The following KAT6B variants were observed in gnomAD, a reference collection of about 807,000 sequenced individuals.
KAT6B encodes the protein histone acetyltransferase KAT6B.
Under a neutral mutation model 187.5 loss-of-function variants are expected in KAT6B, and 10 were observed. The observed-to-expected ratio is 0.05, with a 90% CI of 0.03 to 0.09. KAT6B has a LOEUF of 0.09. Among genes scored for constraint, KAT6B ranks in the 10% least tolerant of loss-of-function variants. The probability of loss-of-function intolerance (pLI) is 1.00; values close to 1 mark genes in which losing one functional copy is unlikely to be tolerated. For synonymous variants in KAT6B, 861 were observed against 926.8 expected (o/e 0.93, Z 1.29); for missense variants, 1,952 against 2,558.9 (o/e 0.76, Z 5.12).
intron 11 of KAT6B, 122 bp from the exon 12 acceptor site, chr10:74,984,958 A>G: frequency 3.3e-6 from 3 of 914,338 alleles, no homozygotes; most frequent in Non-Finnish European, 5.2e-6. Flanking sequence ...AGAGTGTTTT[A>G]ATCTCTCAGT....
intron 13 of KAT6B, among the ~76,000 whole-genome samples, chr10:75,012,574 C>T (rs7923236): frequency 0.031 from 4,697 of 152,308 alleles, 194 homozygotes; most frequent in East Asian, 0.16. Context: ...CTGGCACCTC[C>T]GGCTCAGGAG....
rs756773045 is a variant in KAT6B at position 74,985,103 on chromosome 10, T to G, written c.2397T>G (p.Ile799Met). ...AGGTTGATGGGAATATGAGCAAAAT[T>G]TATTGCCAAAACCTTTGCTTGTTAG... The part of the protein sequence containing the change: ...VFEVDGNMSK[I>M]YCQNLCLLAK... The change falls in exon 12 of 18, where the codon ATT becomes ATG. Residue 799 changes from isoleucine to methionine, a missense_variant. By Grantham distance (10) the Ile-to-Met change is conservative. Transcript: ENST00000287239. 5.6e-6 allele frequency: 9 copies of G among 1,614,154 alleles called. No homozygotes were observed. Among genetic ancestry groups the G allele is most frequent in the East Asian group, 2.2e-5 (1 of 44,860 alleles).
chr10:74,846,871 T>C (rs1398191865), intron 3 of KAT6B, among the ~76,000 whole-genome samples: 3 of 152,240 alleles, frequency 2.0e-5, no homozygotes, highest in East Asian at 3.8e-4. Flanking sequence ...TAAGGTTTTA[T>C]AATGAACAGG....
intron 3 of KAT6B, among the ~76,000 whole-genome samples, chr10:74,944,440 G>C (rs1849944804): frequency 2.0e-5 from 3 of 152,158 alleles, no homozygotes; most frequent in Admixed American, 2.0e-4. Flanking sequence ...ATGGGCAAAA[G>C]ATTCTAACAG....
chr10:75,021,118 C>T lies in KAT6B; in HGVS notation c.2862-8C>T. 6.2e-7 allele frequency: 1 copy of T among 1,613,336 alleles called. No homozygotes were observed. The highest frequency in any genetic ancestry group is 1.1e-5 in the South Asian group (1 of 91,060). On this transcript the variant is annotated splice_region_variant and splice_polypyrimidine_tract_variant and intron_variant, in intron 14 of 17. Transcript: ENST00000287239. Reference sequence around the variant, plus strand: ...GATTACATCTTGTTCTGCCTTATCACATTACAGATTTGTCATCATTAGACG... The same window carrying T: ...GATTACATCTTGTTCTGCCTTATCATATTACAGATTTGTCATCATTAGACG...
chr10:74,969,728 A>T lies in KAT6B; in HGVS notation c.799A>T (p.Ile267Phe). 6.2e-7 allele frequency: 1 copy of T among 1,614,158 alleles called. No homozygotes were observed. The highest frequency in any genetic ancestry group is 8.5e-7 in the Non-Finnish European group (1 of 1,179,960). ...TNVKALRWQCIECKTCSACRV... is the reference protein window; with the variant it reads ...TNVKALRWQCFECKTCSACRV... ...TGTAAAGGCCTTAAGGTGGCAGTGC[A>T]TCGAATGCAAGACATGCAGTGCCTG... is the stretch of plus-strand genomic sequence containing the variant. The change falls in exon 5 of 18, where the codon ATC becomes TTC. Residue 267 changes from isoleucine (I) to phenylalanine (F), a missense_variant. By Grantham distance (21) the Ile-to-Phe change is conservative. Coordinates refer to ENST00000287239, the MANE Select transcript of KAT6B (RefSeq NM_012330.4).
intron 3 of KAT6B, among the ~76,000 whole-genome samples, chr10:74,919,275 T>C (rs1847937881): frequency 6.6e-6 from 1 of 152,184 alleles, no homozygotes; most frequent in Non-Finnish European, 1.5e-5. Flanking sequence ...TTTGAAGTTT[T>C]TGTACAATAT....
intron 3 of KAT6B, among the ~76,000 whole-genome samples, chr10:74,867,461 A>G (rs1474497111): frequency 3.3e-5 from 5 of 152,192 alleles, no homozygotes; most frequent in South Asian, 2.1e-4. Flanking sequence ...TGAATAAAAC[A>G]TATTACCCAT....
chr10:74,830,819 C>CT (rs1283206760), intron 1 of KAT6B, among the ~76,000 whole-genome samples: 3 of 38,262 alleles, frequency 7.8e-5, no homozygotes, highest in Non-Finnish European at 1.6e-4. Flanking sequence ...CGGAGTTTTG[C>CT]TTTTGTCACC....
intron 3 of KAT6B, among the ~76,000 whole-genome samples, chr10:74,849,992 G>GC (rs1466453550): frequency 6.6e-6 from 1 of 151,260 alleles, no homozygotes. Flanking sequence ...AGGCTGGAGT[G>GC]CAGTGGCATG....
In KAT6B at chr10:74,989,104, T is replaced by C; in HGVS notation, c.2621T>C (p.Ile874Thr). 1.2e-6 allele frequency: 2 copies of C among 1,609,414 alleles called. No individual in the cohort carries two copies. Among genetic ancestry groups the C allele is most frequent in the Non-Finnish European group, 8.5e-7 (1 of 1,175,670 alleles). The change falls in exon 13 of 18, where the codon ATT becomes ACT. Residue 874 changes from isoleucine to threonine, a missense_variant. This residue lies in a region of KAT6B where 87 missense variants were observed against 191.8 expected (regional missense o/e 0.45). Coordinates refer to ENST00000287239, the MANE Select transcript of KAT6B (RefSeq NM_012330.4). The part of the protein sequence containing the change: ...HQRQGFGRFL[I>T]DFSYLLSRRE... ...AGGCAAGGATTTGGACGGTTTCTCA[T>C]TGATTTCAGTAAGTGAAGTACTTTA...
intron 13 of KAT6B, among the ~76,000 whole-genome samples, chr10:74,994,079 T>C (rs941136387): frequency 6.6e-6 from 1 of 152,208 alleles, no homozygotes; most frequent in Non-Finnish European, 1.5e-5. Flanking sequence ...CTTATGGCTC[T>C]TATCTAAAAT....
chr10:74,877,229 G>A (rs1589529646), intron 3 of KAT6B, among the ~76,000 whole-genome samples: 1 of 151,972 alleles, frequency 6.6e-6, no homozygotes, highest in African/African-American at 2.4e-5. Context: ...GTCTCCCAAA[G>A]TGCTGGGATT....
At position 75,030,568 on chromosome 10, in the gene KAT6B, C is replaced by A; in HGVS notation, c.5744C>A (p.Thr1915Asn). Residue 1915 changes from threonine to asparagine, a missense_variant, in exon 18 of 18, where the codon ACC becomes AAC. Coordinates refer to ENST00000287239, the MANE Select transcript of KAT6B (RefSeq NM_012330.4). The surrounding 1 kb of genome is among the most constrained non-coding windows in gnomAD (Gnocchi z 4.8). ...IGISHSQRLQTQIASKGHISM... is the reference protein window; with the variant it reads ...IGISHSQRLQNQIASKGHISM... ...ATCTCTCACAGCCAAAGACTGCAAA[C>A]CCAGATTGCCAGCAAGGGCCACATC... The A allele has an allele frequency of 6.2e-7, 1 of 1,608,892 alleles. No homozygotes were observed. The highest frequency in any genetic ancestry group is 8.5e-7 in the Non-Finnish European group (1 of 1,175,756).
At position 75,030,430 on chromosome 10, in the gene KAT6B, C is replaced by T; in HGVS notation, c.5606C>T (p.Pro1869Leu). 6.2e-7 allele frequency: 1 copy of T among 1,614,240 alleles called. No homozygotes were observed. Among genetic ancestry groups the T allele is most frequent in the Non-Finnish European group, 8.5e-7 (1 of 1,180,040 alleles). Reference sequence around the variant, plus strand: ...CTTTCTCAGTCTCCACACTCCGTCCCTGGGGGACCCCAAGCACAAGCTACC... The same window carrying T: ...CTTTCTCAGTCTCCACACTCCGTCCTTGGGGGACCCCAAGCACAAGCTACC... ...VQLSQSPHSV[P>L]GGPQAQATMT... The change falls in exon 18 of 18, where the codon CCT (proline) becomes CTT (leucine). Residue 1869 changes from proline to leucine, a missense_variant. By Grantham distance (98) the Pro-to-Leu change is moderately conservative (BLOSUM62 -3). Coordinates refer to ENST00000287239, the MANE Select transcript of KAT6B (RefSeq NM_012330.4). The surrounding 1 kb of genome is among the most constrained non-coding windows in gnomAD (Gnocchi z 4.8).
At chr10:74,993,514 A>G (rs926203822) in intron 13 of KAT6B, among the ~76,000 whole-genome samples, 7 of 152,224 alleles carry the variant, frequency 4.6e-5, no homozygotes, top group Non-Finnish European at 7.3e-5. Flanking sequence ...TCTCATATAT[A>G]GCCACAATAC....
At chr10:74,932,738 G>A (rs1225839595) in intron 3 of KAT6B, among the ~76,000 whole-genome samples, 3 of 152,112 alleles carry the variant, frequency 2.0e-5, no homozygotes, top group African/African-American at 7.2e-5. Context: ...ACCTGAATGA[G>A]GATGGTATAT....
At chr10:74,867,741 G>A (rs1234607478) in intron 3 of KAT6B, among the ~76,000 whole-genome samples, 2 of 152,174 alleles carry the variant, frequency 1.3e-5, no homozygotes, top group African/African-American at 4.8e-5. Context: ...GTCATTCATT[G>A]AATTCTGCAG....
At chr10:74,930,397 G>A (rs1848789892) in intron 3 of KAT6B, among the ~76,000 whole-genome samples, 1 of 152,072 alleles carries the variant, frequency 6.6e-6, no homozygotes, top group Non-Finnish European at 1.5e-5. Context: ...GAGTTTTGTG[G>A]GCAAAATATT....
Sources: gnomAD v4.1 joint callset for allele counts (sites outside exome capture counted in the v4.1 genomes callset) on GRCh38, gnomAD v4.1.1 for gene constraint, gnomAD v4.1.1 regional missense constraint, Gnocchi (gnomAD v3.1) non-coding constraint, MANE v1.5 for transcripts, NCBI Gene and HGNC (gene_info 2026-07-23, HGNC 2026-07-21) for gene names.